The following THSD7B variants were observed in gnomAD, a reference collection of about 807,000 sequenced individuals.
The protein encoded by THSD7B is thrombospondin type 1 domain containing 7B.
In THSD7B, 138 loss-of-function variants were observed where a neutral mutation model predicts 213.6. The ratio of observed to expected loss-of-function variants is 0.65; its 90% CI spans 0.56 to 0.74. THSD7B has a LOEUF of 0.74. THSD7B is among the 30% of genes least tolerant of loss of function. The probability of loss-of-function intolerance (pLI) is 0.00; values close to 1 mark genes in which losing one functional copy is unlikely to be tolerated. For synonymous variants in THSD7B, 742 were observed against 687.0 expected, an observed-to-expected ratio of 1.08 and a Z score of -1.25; for missense variants, 1,931 against 1,991.5, an observed-to-expected ratio of 0.97 and a Z score of 0.58.
At chr2:136,999,075 T>G (rs1209247701) in intron 2 of THSD7B, among the ~76,000 whole-genome samples, 1 of 152,130 alleles carries the variant, frequency 6.6e-6, no homozygotes, top group African/African-American at 2.4e-5. Flanking sequence ...CAACATCTAT[T>G]TTATGTATTC....
At chr2:137,527,658 T>G (rs927688821) in intron 15 of THSD7B, among the ~76,000 whole-genome samples, 2 of 152,126 alleles carry the variant, frequency 1.3e-5, no homozygotes, top group African/African-American at 4.8e-5. Context: ...AGGTAAACAT[T>G]AGGCTCCCAC....
At chr2:137,084,230 G>A (rs1687797916) in intron 3 of THSD7B, among the ~76,000 whole-genome samples, 1 of 152,154 alleles carries the variant, frequency 6.6e-6, no homozygotes, top group African/African-American at 2.4e-5. Flanking sequence ...TATGTCTGCT[G>A]TATTGGGGAA....
At chr2:137,027,819 A>G (rs531187114) in intron 2 of THSD7B, among the ~76,000 whole-genome samples, 22 of 152,302 alleles carry the variant, frequency 1.4e-4, no homozygotes, top group Admixed American at 1.4e-3. Flanking sequence ...AATAAGGGAG[A>G]CACTGGGATT....
intron 14 of THSD7B, among the ~76,000 whole-genome samples, chr2:137,415,751 C>T (rs1436361774): frequency 6.7e-6 from 1 of 148,954 alleles, no homozygotes; most frequent in East Asian, 2.0e-4. Context: ...CTCTCCCTGG[C>T]CCTGCCTTCA....
intron 2 of THSD7B, among the ~76,000 whole-genome samples, chr2:136,982,715 A>C (rs1395855272): frequency 6.6e-6 from 1 of 152,046 alleles, no homozygotes; most frequent in Non-Finnish European, 1.5e-5. Flanking sequence ...TTGAAAAACA[A>C]CTCTAAGATA....
chr2:136,941,085 T>C (rs971225031), intron 2 of THSD7B, among the ~76,000 whole-genome samples: 1 of 152,132 alleles, frequency 6.6e-6, no homozygotes, highest in Non-Finnish European at 1.5e-5. Context: ...AATTCCTATG[T>C]ATGAGTGAGA....
chr2:136,913,288 G>A (rs952764546), intron 2 of THSD7B, among the ~76,000 whole-genome samples: 1 of 152,232 alleles, frequency 6.6e-6, no homozygotes, highest in Admixed American at 6.5e-5. Context: ...CATTCAAGAG[G>A]TGACTTGGGT....
chr2:137,481,172 A>G (rs1448914), intron 15 of THSD7B, among the ~76,000 whole-genome samples: 6 of 152,076 alleles, frequency 3.9e-5, no homozygotes, highest in African/African-American at 9.7e-5. Context: ...ATAAGTTTCT[A>G]TTTTTTGAAT....
chr2:137,312,682 G>A (rs1467698302), intron 12 of THSD7B, among the ~76,000 whole-genome samples: 12 of 147,020 alleles, frequency 8.2e-5, no homozygotes, highest in Non-Finnish European at 1.7e-4. Context: ...CTTTGAATGT[G>A]TCCCAGAGAT....
At chr2:137,398,268 T>C (rs1226688806) in intron 12 of THSD7B, among the ~76,000 whole-genome samples, 204 of 148,320 alleles carry the variant, frequency 1.4e-3, no homozygotes, top group African/African-American at 4.5e-3. Flanking sequence ...AGTTTTTCTG[T>C]TCTGTTTTTT....
chr2:137,092,277 G>T (rs181025958), intron 3 of THSD7B, among the ~76,000 whole-genome samples: 1 of 151,992 alleles, frequency 6.6e-6, no homozygotes, highest in Non-Finnish European at 1.5e-5. Context: ...GACAGTTGTG[G>T]TGTTGTGCAT....
intron 1 of THSD7B, among the ~76,000 whole-genome samples, chr2:136,822,689 A>G (rs1411970811): frequency 1.3e-5 from 2 of 152,214 alleles, no homozygotes; most frequent in African/African-American, 4.8e-5. Flanking sequence ...AAGGAAGGGA[A>G]TGTCCCATGG....
chr2:137,089,274 GTA>G (rs148784247), intron 3 of THSD7B, among the ~76,000 whole-genome samples: 548 of 111,488 alleles, frequency 4.9e-3, no homozygotes, highest in South Asian at 6.9e-3. Flanking sequence ...GTGTGTGTGT[GTA>G]TATGTATATA....
At chr2:137,040,615 G>A (rs994024088) in intron 2 of THSD7B, among the ~76,000 whole-genome samples, 4 of 151,902 alleles carry the variant, frequency 2.6e-5, no homozygotes, top group African/African-American at 7.3e-5. Flanking sequence ...AACTGGTCTC[G>A]AACTCCTGAT....
intron 15 of THSD7B, among the ~76,000 whole-genome samples, chr2:137,554,995 G>C (rs1411867388): frequency 6.6e-6 from 1 of 152,162 alleles, no homozygotes; most frequent in African/African-American, 2.4e-5. Context: ...AAGTCTGAGG[G>C]AGGGGCGCCC....
intron 4 of THSD7B, among the ~76,000 whole-genome samples, chr2:137,098,428 A>G (rs900591972): frequency 6.6e-5 from 10 of 152,168 alleles, no homozygotes; most frequent in Admixed American, 6.5e-4. Context: ...AAATACACCA[A>G]ATAAATAATA....
rs1433740016 is a variant in THSD7B, at chr2:136,879,257, T to C, written c.-35-2887T>C. ...TGTGGCATTATTTCTGAGGGCTCTG[T>C]TCTGTTCCATTGGTCTATTTCTCTG... On this transcript the variant is annotated intron_variant, in intron 1 of 27. Transcript: ENST00000409968. Among the ~76,000 whole-genome samples the C allele has an allele frequency of 2.6e-5, 4 of 152,232 alleles. No individual in the cohort carries two copies. In the East Asian group the frequency reaches 7.7e-4, roughly 29 times the overall value.
intron 12 of THSD7B, among the ~76,000 whole-genome samples, chr2:137,312,983 G>T (rs1187194297): frequency 6.7e-6 from 1 of 149,694 alleles, no homozygotes; most frequent in Non-Finnish European, 1.5e-5. Flanking sequence ...TGTATATTCT[G>T]TTGATTTGGG....
intron 3 of THSD7B, among the ~76,000 whole-genome samples, chr2:137,093,879 T>C (rs1001948032): frequency 3.3e-5 from 5 of 152,224 alleles, no homozygotes; most frequent in Non-Finnish European, 7.3e-5. Flanking sequence ...TCATTTAGCA[T>C]TAGGTATATC....
Sources: gnomAD v4.1 joint callset for allele counts (sites outside exome capture counted in the v4.1 genomes callset) on GRCh38, gnomAD v4.1.1 for gene constraint, MANE v1.5 for transcripts, NCBI Gene and HGNC (gene_info 2026-07-23, HGNC 2026-07-21) for gene names.